ZBTB7C: variants seen among roughly 807,000 people sequenced by gnomAD.
ZBTB7C encodes zinc finger and BTB domain-containing protein 7C.
A neutral mutation model predicts 25.7 loss-of-function variants in ZBTB7C; 8 were observed. The ratio of observed to expected loss-of-function variants is 0.31; its 90% CI spans 0.18 to 0.56. The LOEUF (loss-of-function observed/expected upper bound fraction) is 0.56, where lower values mean the gene tolerates loss of function less well. Ranked by LOEUF, ZBTB7C falls within the 20% of genes least tolerant of loss-of-function variation. The pLI is 0.91. For synonymous variants in ZBTB7C, 394 were observed against 369.0 expected (o/e 1.07, Z -0.78); for missense variants, 824 against 855.2 (o/e 0.96, Z 0.46).
chr18:48,244,211 C>T (rs1328379200), intron 2 of ZBTB7C, among the ~76,000 whole-genome samples: 5 of 152,096 alleles, frequency 3.3e-5, no homozygotes, highest in Admixed American at 6.5e-5. Flanking sequence ...GTCAGGAGAT[C>T]GAGACCACTC....
At chr18:48,031,506 A>G (rs2144072352) in intron 4 of ZBTB7C, among the ~76,000 whole-genome samples, 1 of 152,166 alleles carries the variant, frequency 6.6e-6, no homozygotes, top group South Asian at 2.1e-4. Context: ...CCCAGATTTC[A>G]CCTAGATGAT....
chr18:48,281,435 G>A (rs1485352056), intron 2 of ZBTB7C, among the ~76,000 whole-genome samples: 1 of 152,120 alleles, frequency 6.6e-6, no homozygotes, highest in Admixed American at 6.5e-5. Flanking sequence ...AAAAGCAATG[G>A]CAACAAAAGC....
chr18:48,268,191 C>T (rs892865147), intron 2 of ZBTB7C, among the ~76,000 whole-genome samples: 1 of 152,196 alleles, frequency 6.6e-6, no homozygotes, highest in African/African-American at 2.4e-5. Context: ...CAACGGCACG[C>T]TTTTCATAAT....
chr18:48,041,175 G>A, intron 3 of ZBTB7C, 52 bp from the exon 4 acceptor site: 1 of 1,505,858 alleles, frequency 6.6e-7, no homozygotes, highest in Non-Finnish European at 8.8e-7. Context: ...GGCCCCAGGA[G>A]GGGTCTCAAC....
intron 2 of ZBTB7C, among the ~76,000 whole-genome samples, chr18:48,334,249 C>T (rs2046407602): frequency 6.6e-6 from 1 of 152,124 alleles, no homozygotes; most frequent in Admixed American, 6.5e-5. Context: ...TCAGGGAAAC[C>T]TACTGCTGCC....
chr18:48,131,517 T>G (rs1250213256), intron 3 of ZBTB7C, among the ~76,000 whole-genome samples: 1 of 152,056 alleles, frequency 6.6e-6, no homozygotes, highest in African/African-American at 2.4e-5. Flanking sequence ...ACTAGGTGAG[T>G]TCCCCCATGC....
chr18:48,242,684 T>C (rs1568325614), intron 2 of ZBTB7C, among the ~76,000 whole-genome samples: 1 of 152,132 alleles, frequency 6.6e-6, no homozygotes, highest in Admixed American at 6.5e-5. Context: ...AAAATCAGTA[T>C]AGAAGGACAT....
intron 3 of ZBTB7C, among the ~76,000 whole-genome samples, chr18:48,076,096 G>C (rs963891759): frequency 1.3e-5 from 2 of 152,230 alleles, no homozygotes; most frequent in African/African-American, 4.8e-5. Flanking sequence ...CTCTGGGCAA[G>C]GTGCTGCAAG....
chr18:48,115,185 T>C (rs750900662), intron 3 of ZBTB7C, among the ~76,000 whole-genome samples: 17 of 152,222 alleles, frequency 1.1e-4, no homozygotes, highest in Non-Finnish European at 2.2e-4. Flanking sequence ...TGTTCTTTTG[T>C]GACTGGCTTC....
intron 1 of ZBTB7C, among the ~76,000 whole-genome samples, chr18:48,377,135 T>C (rs1345758084): frequency 6.6e-6 from 1 of 152,136 alleles, no homozygotes; most frequent in East Asian, 1.9e-4. Flanking sequence ...GGGGAGGCGA[T>C]GCTCTGGCAA....
chr18:48,163,346 G>A (rs61031739), intron 3 of ZBTB7C, among the ~76,000 whole-genome samples: 21,555 of 152,148 alleles, frequency 0.14, 1,684 homozygotes, highest in South Asian at 0.23. Context: ...ATGCTTTCTA[G>A]GCCCCTGAGC....
At chr18:48,225,354 AAAGAGGAAAGGGAGAGG>A (rs1038292046) in intron 2 of ZBTB7C, among the ~76,000 whole-genome samples, 2 of 151,966 alleles carry the variant, frequency 1.3e-5, no homozygotes, top group Middle Eastern at 3.4e-3. Flanking sequence ...GAATGTAAAG[AAAGAGGAAAGGGAGAGG>A]AAGAGGAAAG....
chr18:48,400,705 G>T (rs1397939709), intron 1 of ZBTB7C, among the ~76,000 whole-genome samples: 1 of 152,226 alleles, frequency 6.6e-6, no homozygotes, highest in Non-Finnish European at 1.5e-5. Flanking sequence ...ATATTGAAAT[G>T]ATAATATCTT....
intron 2 of ZBTB7C, among the ~76,000 whole-genome samples, chr18:48,243,665 G>GA (rs1349261042): frequency 2.0e-5 from 3 of 152,036 alleles, no homozygotes; most frequent in South Asian, 2.1e-4. Flanking sequence ...CACAGAACTA[G>GA]AAAAAACAAT....
intron 1 of ZBTB7C, chr18:48,408,354 A>T (rs528950355): frequency 6.6e-6 from 1 of 152,382 alleles, no homozygotes; most frequent in South Asian, 2.1e-4. Context: ...AGAGACGTAC[A>T]CACCTTGAGA....
intron 4 of ZBTB7C, among the ~76,000 whole-genome samples, chr18:48,032,695 C>T (rs7231210): frequency 0.26 from 39,092 of 151,752 alleles, 6,644 homozygotes; most frequent in African/African-American, 0.48. Flanking sequence ...CCCAGCCTCC[C>T]AAAGCGCTGG....
chr18:48,083,340 A>T (rs1262075664), intron 3 of ZBTB7C, among the ~76,000 whole-genome samples: 1 of 152,034 alleles, frequency 6.6e-6, no homozygotes, highest in Non-Finnish European at 1.5e-5. Context: ...TGCCAAACTA[A>T]CAATCTAGAA....
chr18:48,204,638 C>T (rs1383988410), intron 2 of ZBTB7C, among the ~76,000 whole-genome samples: 1 of 152,132 alleles, frequency 6.6e-6, no homozygotes, highest in Non-Finnish European at 1.5e-5. Flanking sequence ...CAAGACCATG[C>T]CTCTTGAGGA....
At chr18:48,280,514 G>A (rs989278998) in intron 2 of ZBTB7C, among the ~76,000 whole-genome samples, 10 of 151,956 alleles carry the variant, frequency 6.6e-5, no homozygotes, top group South Asian at 4.2e-4. Flanking sequence ...GCCCCAACCC[G>A]TATCAACACA....
Sources: allele counts gnomAD v4.1 joint callset (sites outside exome capture counted in the v4.1 genomes callset), GRCh38; gene constraint gnomAD v4.1.1; transcripts MANE v1.5; gene names NCBI Gene and HGNC (gene_info 2026-07-23, HGNC 2026-07-21).